The following SGIP1 variants were observed in gnomAD, a reference collection of about 807,000 sequenced individuals.
SGIP1 encodes the protein SH3-containing GRB2-like protein 3-interacting protein 1.
A neutral mutation model predicts 107.5 loss-of-function variants in SGIP1; 38 were observed. The ratio of observed to expected loss-of-function variants is 0.35; its 90% CI spans 0.27 to 0.46. The LOEUF (loss-of-function observed/expected upper bound fraction) is 0.46. Among genes scored for constraint, SGIP1 ranks in the 20% least tolerant of loss-of-function variants. The probability of loss-of-function intolerance (pLI) is 1.00; values close to 1 mark genes in which losing one functional copy is unlikely to be tolerated. For synonymous variants in SGIP1, 365 were observed against 366.1 expected (o/e 1.00, Z 0.03); for missense variants, 929 against 1,019.5 (o/e 0.91, Z 1.21).
At chr1:66,664,253 T>G (rs1270624104) in intron 8 of SGIP1, among the ~76,000 whole-genome samples, 1 of 152,200 alleles carries the variant, frequency 6.6e-6, no homozygotes, top group East Asian at 1.9e-4. Flanking sequence ...GGCCTTTTTT[T>G]TCTAATTTCA....
chr1:66,618,340 A>G (rs1276758312), intron 1 of SGIP1, among the ~76,000 whole-genome samples: 1 of 152,228 alleles, frequency 6.6e-6, no homozygotes, highest in Non-Finnish European at 1.5e-5. Context: ...ATACACAAAT[A>G]AATATCAAAA....
intron 12 of SGIP1, among the ~76,000 whole-genome samples, chr1:66,673,820 A>G (rs1218076904): frequency 6.6e-6 from 1 of 152,174 alleles, no homozygotes; most frequent in East Asian, 1.9e-4. Flanking sequence ...GATTGCTCAC[A>G]ACAGTCATTG....
chr1:66,685,191 C>T (rs1441335159), intron 15 of SGIP1, among the ~76,000 whole-genome samples: 4 of 152,262 alleles, frequency 2.6e-5, no homozygotes, highest in South Asian at 2.1e-4. Flanking sequence ...TTGTATTTCT[C>T]GAAGCATATT....
At chr1:66,667,883 A>G (rs2082925739) in intron 9 of SGIP1, among the ~76,000 whole-genome samples, 1 of 152,208 alleles carries the variant, frequency 6.6e-6, no homozygotes, top group Non-Finnish European at 1.5e-5. Flanking sequence ...AGAAGTTGAT[A>G]GCAAAGAGAT....
At chr1:66,614,809 CTTTTTTTTTTTTTTT>C (rs10707091) in intron 1 of SGIP1, among the ~76,000 whole-genome samples, 9 of 59,388 alleles carry the variant, frequency 1.5e-4, no homozygotes, top group African/African-American at 5.5e-4. Context: ...TTCCAGCTGT[CTTTTTTTTTTTTTTT>C]TTTTTTTTTT....
intron 24 of SGIP1, 53 bp downstream of exon 24, chr1:66,741,489 C>T (rs1007859965): frequency 9.3e-5 from 139 of 1,489,008 alleles, no homozygotes; most frequent in Non-Finnish European, 1.2e-4. Flanking sequence ...GCCTTGGCTA[C>T]TCTTAAGAGG....
At chr1:66,740,570 A>C in intron 22 of SGIP1, 88 bp from the exon 23 acceptor site, 1 of 806,340 alleles carries the variant, frequency 1.2e-6, no homozygotes. Context: ...CTATTTTAAA[A>C]AATTAATACT....
intron 1 of SGIP1, among the ~76,000 whole-genome samples, chr1:66,584,902 C>G (rs575771305): frequency 3.0e-4 from 46 of 152,268 alleles, no homozygotes; most frequent in African/African-American, 1.1e-3. Flanking sequence ...ATGCCCTTCT[C>G]AAATGTTTCA....
At chr1:66,657,665 A>C (rs911458823) in intron 7 of SGIP1, among the ~76,000 whole-genome samples, 1 of 152,180 alleles carries the variant, frequency 6.6e-6, no homozygotes, top group African/African-American at 2.4e-5. Flanking sequence ...GGGATAAGCC[A>C]CTTTTCAACA....
intron 18 of SGIP1, among the ~76,000 whole-genome samples, chr1:66,714,951 C>G (rs2093145611): frequency 6.6e-6 from 1 of 152,092 alleles, no homozygotes; most frequent in South Asian, 2.1e-4. Context: ...AACAAAAACT[C>G]TCTGAGGTGC....
intron 18 of SGIP1, among the ~76,000 whole-genome samples, chr1:66,715,619 A>G (rs946748173): frequency 6.6e-6 from 1 of 152,150 alleles, no homozygotes; most frequent in Non-Finnish European, 1.5e-5. Context: ...AAAGCACACA[A>G]GCAAACAAAA....
chr1:66,698,332 T>G (rs544556822), intron 18 of SGIP1, among the ~76,000 whole-genome samples: 158 of 152,302 alleles, frequency 1.0e-3, no homozygotes, highest in African/African-American at 3.5e-3. Context: ...AAAATTCTAT[T>G]TATTTTAAGT....
intron 7 of SGIP1, among the ~76,000 whole-genome samples, chr1:66,648,714 T>C (rs2078134597): frequency 6.6e-6 from 1 of 152,200 alleles, no homozygotes; most frequent in Admixed American, 6.5e-5. Flanking sequence ...TCACCTTCTT[T>C]TCCAAGTGCT....
chr1:66,671,132 G>A (rs1463204468), intron 10 of SGIP1, 113 bp downstream of exon 10: 2 of 496,600 alleles, frequency 4.0e-6, no homozygotes, highest in Non-Finnish European at 6.9e-6. Flanking sequence ...TAATTTTTAA[G>A]ACTTACAATT....
intron 22 of SGIP1, 74 bp from the exon 23 acceptor site, chr1:66,740,584 T>A: frequency 1.1e-6 from 1 of 915,806 alleles, no homozygotes; most frequent in Non-Finnish European, 1.7e-6. Flanking sequence ...TAATACTATC[T>A]GGAAAAAAAA....
At chr1:66,537,991 G>A (rs984913106) in intron 1 of SGIP1, among the ~76,000 whole-genome samples, 13 of 152,036 alleles carry the variant, frequency 8.6e-5, no homozygotes, top group African/African-American at 3.1e-4. Flanking sequence ...TGCATATTCT[G>A]TGTCTCTCTG....
At chr1:66,689,837 A>G (rs1236581063) in intron 16 of SGIP1, among the ~76,000 whole-genome samples, 1 of 152,206 alleles carries the variant, frequency 6.6e-6, no homozygotes, top group Non-Finnish European at 1.5e-5. Context: ...TGTCCATAGC[A>G]TTTGGCTGGG....
chr1:66,620,161 T>G (rs1322598063), intron 1 of SGIP1, among the ~76,000 whole-genome samples: 1 of 152,176 alleles, frequency 6.6e-6, no homozygotes, highest in Non-Finnish European at 1.5e-5. Flanking sequence ...GTACTGTTTC[T>G]TCTTCACCTG....
At chr1:66,641,016 C>T (rs2076689380) in intron 5 of SGIP1, among the ~76,000 whole-genome samples, 2 of 152,012 alleles carry the variant, frequency 1.3e-5, no homozygotes, top group South Asian at 4.1e-4. Context: ...GCCTGAGCAA[C>T]ACAGAGACTT....
Sources: gnomAD v4.1 joint callset for allele counts (sites outside exome capture counted in the v4.1 genomes callset) on GRCh38, gnomAD v4.1.1 for gene constraint, MANE v1.5 for transcripts, NCBI Gene and HGNC (gene_info 2026-07-23, HGNC 2026-07-21) for gene names.